Variants in TRPC6 observed in about 807,000 individuals in gnomAD.
The protein encoded by TRPC6 is short transient receptor potential channel 6.
TRPC6 carries 55 observed loss-of-function variants against 90.7 expected under a neutral mutation model. The observed-to-expected ratio is 0.61, with a 90% CI of 0.49 to 0.76. The LOEUF is 0.76. Ranked by LOEUF, TRPC6 falls within the 30% of genes least tolerant of loss-of-function variation. The pLI, the probability that TRPC6 is intolerant of heterozygous loss-of-function variation, is 0.00. For synonymous variants in TRPC6, 393 were observed against 393.0 expected, an observed-to-expected ratio of 1.00 and a Z score of 0.00; for missense variants, 989 against 1,122.7, an observed-to-expected ratio of 0.88 and a Z score of 1.70.
At chr11:101,559,929 C>G (rs1861678453) in intron 1 of TRPC6, among the ~76,000 whole-genome samples, 4 of 151,954 alleles carry the variant, frequency 2.6e-5, no homozygotes, top group Admixed American at 2.6e-4. Flanking sequence ...ATGATGGTTT[C>G]CAGCTTCATC....
intron 4 of TRPC6, among the ~76,000 whole-genome samples, chr11:101,484,575 ATCTC>A (rs10627556): frequency 6.8e-6 from 1 of 146,388 alleles, no homozygotes; most frequent in African/African-American, 2.5e-5. Flanking sequence ...ATTGTATTGT[ATCTC>A]TCTCTCTCTC....
chr11:101,576,426 T>C (rs527920566), intron 1 of TRPC6, among the ~76,000 whole-genome samples: 1 of 152,338 alleles, frequency 6.6e-6, no homozygotes, highest in East Asian at 1.9e-4. Context: ...GTTGTTTGAG[T>C]ATGTGTAACA....
rs200142981 is a variant in TRPC6 at position 101,453,024 on chromosome 11, T to C, written c.2727A>G (p.Leu909=). 2 of 1,613,836 alleles carry C rather than the reference T, an allele frequency of 1.2e-6. No individual in the cohort carries two copies. Among genetic ancestry groups the C allele is most frequent in the East Asian group, 2.2e-5 (1 of 44,856 alleles). Residue 909 remains leucine (L), a synonymous_variant, in exon 13 of 13, where the codon CTA becomes CTG. Coordinates refer to ENST00000344327, the MANE Select transcript of TRPC6 (RefSeq NM_004621.6). ...LEEKSQNTED[L]AELIRELGEK... is the part of the protein sequence containing the mutation. Reference sequence around the variant, plus strand: ...CTCCAAGTTCTCTAATAAGTTCTGCTAGGTCTTCTGTATTCTGAGATTTTT... The same window carrying C: ...CTCCAAGTTCTCTAATAAGTTCTGCCAGGTCTTCTGTATTCTGAGATTTTT...
At chr11:101,558,307 ATGTATATATG>A (rs1861622158) in intron 1 of TRPC6, among the ~76,000 whole-genome samples, 3 of 92,528 alleles carry the variant, frequency 3.2e-5, no homozygotes, top group Admixed American at 9.9e-5. Flanking sequence ...ATGGGTATAC[ATGTATATATG>A]TATACATGTA....
intron 1 of TRPC6, among the ~76,000 whole-genome samples, chr11:101,554,298 C>A (rs973389670): frequency 1.3e-5 from 2 of 151,888 alleles, no homozygotes; most frequent in Non-Finnish European, 2.9e-5. Flanking sequence ...AGTAGAGAAG[C>A]TGGAACAACA....
At chr11:101,456,815 A>G (rs907335664) in intron 10 of TRPC6, among the ~76,000 whole-genome samples, 1 of 152,202 alleles carries the variant, frequency 6.6e-6, no homozygotes, top group African/African-American at 2.4e-5. Flanking sequence ...TTATGGGTCT[A>G]GTTTTTTTCT....
intron 1 of TRPC6, among the ~76,000 whole-genome samples, chr11:101,542,960 C>A (rs1223312791): frequency 1.3e-5 from 2 of 152,044 alleles, no homozygotes; most frequent in Admixed American, 1.3e-4. Context: ...AAATTATAAT[C>A]TTCTGCTCTT....
At chr11:101,524,227 C>T (rs528626711) in intron 1 of TRPC6, among the ~76,000 whole-genome samples, 1 of 149,660 alleles carries the variant, frequency 6.7e-6, no homozygotes. Flanking sequence ...GACGCAGTGG[C>T]TTCAGTCTCA....
At chr11:101,533,787 T>C (rs990100892) in intron 1 of TRPC6, among the ~76,000 whole-genome samples, 3 of 152,218 alleles carry the variant, frequency 2.0e-5, no homozygotes, top group African/African-American at 7.2e-5. Flanking sequence ...CGCTTTCTGC[T>C]TAGGATTCCA....
At chr11:101,525,674 C>CAA (rs1160047695) in intron 1 of TRPC6, among the ~76,000 whole-genome samples, 1 of 152,200 alleles carries the variant, frequency 6.6e-6, no homozygotes, top group Non-Finnish European at 1.5e-5. Flanking sequence ...CTTTGACAGT[C>CAA]AAGTACAACA....
chr11:101,453,831 A>G, intron 11 of TRPC6, 106 bp from the exon 12 acceptor site: 1 of 1,034,508 alleles, frequency 9.7e-7, no homozygotes, highest in Non-Finnish European at 1.5e-6. Context: ...GCCCTTTGGA[A>G]GTGATGGCTG....
At chr11:101,577,913 G>A (rs1175923019) in intron 1 of TRPC6, among the ~76,000 whole-genome samples, 1 of 152,188 alleles carries the variant, frequency 6.6e-6, no homozygotes, top group African/African-American at 2.4e-5. Context: ...GAGTCTTTGT[G>A]ACAGGCAGCT....
intron 3 of TRPC6, among the ~76,000 whole-genome samples, chr11:101,490,213 G>T (rs1859772970): frequency 6.6e-6 from 1 of 152,138 alleles, no homozygotes; most frequent in South Asian, 2.1e-4. Context: ...ATAGTAAACA[G>T]ATTATGTGAA....
At chr11:101,553,161 A>G (rs934942844) in intron 1 of TRPC6, among the ~76,000 whole-genome samples, 1 of 152,080 alleles carries the variant, frequency 6.6e-6, no homozygotes. Context: ...CATCTGATTC[A>G]AGATCGTGAA....
chr11:101,480,407 C>T (rs1859524807), intron 5 of TRPC6, among the ~76,000 whole-genome samples: 3 of 152,020 alleles, frequency 2.0e-5, no homozygotes, highest in South Asian at 4.2e-4. Context: ...ACCCACAGCT[C>T]CTCCCTTCTG....
At chr11:101,573,948 GTGTGTGTGTA>G (rs1170444610) in intron 1 of TRPC6, among the ~76,000 whole-genome samples, 11 of 132,822 alleles carry the variant, frequency 8.3e-5, no homozygotes, top group East Asian at 2.0e-4. Context: ...GTGTGTGTGT[GTGTGTGTGTA>G]TGTGTGTGTG....
chr11:101,483,652 T>C (rs1029375308), intron 4 of TRPC6, among the ~76,000 whole-genome samples: 35 of 152,098 alleles, frequency 2.3e-4, no homozygotes, highest in African/African-American at 8.0e-4. Context: ...ATCTTGTAAA[T>C]GCAGTAAAAG....
intron 1 of TRPC6, among the ~76,000 whole-genome samples, chr11:101,540,264 G>C (rs891751516): frequency 2.0e-5 from 3 of 152,212 alleles, no homozygotes; most frequent in Non-Finnish European, 4.4e-5. Flanking sequence ...GGCAGAGCAA[G>C]AGCAGATGAG....
chr11:101,491,837 T>A, intron 2 of TRPC6, 99 bp from the exon 3 acceptor site: 66 of 84,296 alleles, frequency 7.8e-4, no homozygotes, highest in Non-Finnish European at 9.8e-4. Context: ...AGAAACATTC[T>A]TTTTTTTTTT....
Sources: allele counts gnomAD v4.1 joint callset (sites outside exome capture counted in the v4.1 genomes callset), GRCh38; gene constraint gnomAD v4.1.1; transcripts MANE v1.5; gene names NCBI Gene and HGNC (gene_info 2026-07-23, HGNC 2026-07-21).